The following DOCK8 variants were observed in gnomAD, a reference collection of about 807,000 sequenced individuals.
The protein encoded by DOCK8 is dedicator of cytokinesis protein 8.
In DOCK8, 141 loss-of-function variants were observed where a neutral mutation model predicts 245.6. That is an observed-to-expected ratio of 0.57 (90% CI 0.50 to 0.66). The LOEUF (loss-of-function observed/expected upper bound fraction) is 0.66. Ranked by LOEUF, DOCK8 falls within the 30% of genes least tolerant of loss-of-function variation. DOCK8 has a pLI of 0.00. For missense variants in DOCK8, 2,965 were observed against 2,603.4 expected, an observed-to-expected ratio of 1.14 and a Z score of -3.02; for synonymous variants, 1,168 against 970.2, an observed-to-expected ratio of 1.20 and a Z score of -3.79.
At chr9:292,901 G>A (rs1379728508) in intron 4 of DOCK8, among the ~76,000 whole-genome samples, 1 of 152,060 alleles carries the variant, frequency 6.6e-6, no homozygotes, top group Non-Finnish European at 1.5e-5. Flanking sequence ...CTTGACTGTT[G>A]CTTCTGTTCC....
chr9:393,990 C>A (rs2131376289), intron 24 of DOCK8, among the ~76,000 whole-genome samples: 1 of 152,144 alleles, frequency 6.6e-6, no homozygotes, highest in Non-Finnish European at 1.5e-5. Flanking sequence ...GTAACTGGGG[C>A]CTAGAAAAAT....
At position 370,254 on chromosome 9, in the gene DOCK8, C is replaced by A; in HGVS notation, c.1822C>A (p.Pro608Thr). The A allele has an allele frequency of 6.2e-7, 1 of 1,614,100 alleles. No individual in the cohort carries two copies. Among genetic ancestry groups the A allele is most frequent in the South Asian group, 1.1e-5 (1 of 91,080 alleles). The change falls in exon 16 of 48, where the codon CCT becomes ACT. Residue 608 changes from proline to threonine, a missense_variant. Around this residue, in one of 3 missense-constraint regions of DOCK8, gnomAD observed 2,825 missense variants for 2,453.5 expected, o/e 1.15. Transcript: ENST00000432829. ...MPVIFGKSSGPEFLQEVYTAV... is the reference protein window; with the variant it reads ...MPVIFGKSSGTEFLQEVYTAV... ...GGTCATCTTTGGAAAATCCAGCGGG[C>A]CTGAATTTCTGCAGGAAGTGTACAC...
At chr9:272,325 C>T (rs785847) in intron 2 of DOCK8, among the ~76,000 whole-genome samples, 69,149 of 151,880 alleles carry the variant, frequency 0.46, 16,331 homozygotes, top group East Asian at 0.78. Context: ...CAATCTCTGA[C>T]TCACTTCTGT....
chr9:410,488 T>A, intron 28 of DOCK8, among the ~76,000 whole-genome samples: 1 of 152,218 alleles, frequency 6.6e-6, no homozygotes, highest in Admixed American at 6.5e-5. Flanking sequence ...GGGTATTGGG[T>A]ATTATGAAAA....
At chr9:254,994 G>C (rs1002952967) in intron 1 of DOCK8, among the ~76,000 whole-genome samples, 1 of 152,116 alleles carries the variant, frequency 6.6e-6, no homozygotes, top group African/African-American at 2.4e-5. Flanking sequence ...TAAAGTTTGA[G>C]GGTCACCACT....
At position 434,854 on chromosome 9, in the gene DOCK8, C is replaced by A. The variant is rs1401659010; in HGVS notation, c.4958C>A (p.Thr1653Asn). The change falls in exon 39 of 48, where the codon ACC (threonine) becomes AAC (asparagine). Residue 1653 changes from threonine (T) to asparagine (N), a missense_variant. Physicochemically the swap from Thr to Asn is moderately conservative, Grantham distance 65 (BLOSUM62 0). Around this residue, in one of 3 missense-constraint regions of DOCK8, gnomAD observed 2,825 missense variants for 2,453.5 expected, o/e 1.15. Transcript: ENST00000432829. ...TWLQNMAEKH[T>N]KKKCYTEAAM... The stretch of plus-strand genomic sequence containing the variant: ...CTCCAGAACATGGCAGAGAAACACA[C>A]CAAGAAGAAGTGCTACACGGAGGCT... The A allele has an allele frequency of 8.7e-6, 14 of 1,614,038 alleles. No homozygotes were observed. Among genetic ancestry groups the A allele is most frequent in the Admixed American group, 3.3e-5 (2 of 60,002 alleles).
intron 14 of DOCK8, among the ~76,000 whole-genome samples, chr9:341,602 A>G (rs2130933664): frequency 6.6e-6 from 1 of 152,156 alleles, no homozygotes; most frequent in Non-Finnish European, 1.5e-5. Flanking sequence ...TGTATTTCCT[A>G]TTTTTTCTCC....
At position 364,158 on chromosome 9, in the gene DOCK8, T is replaced by A. The variant is rs139577360; in HGVS notation, c.1680-3860T>A. Reference sequence around the variant, plus strand: ...CAGGTTTCTAACTGAAACAAGGAAATGACCTGAACGCTTATTTTTAGAGGA... The same window carrying A: ...CAGGTTTCTAACTGAAACAAGGAAAAGACCTGAACGCTTATTTTTAGAGGA... On this transcript the variant is annotated intron_variant, in intron 14 of 47. Transcript: ENST00000432829. Among the ~76,000 whole-genome samples, 5 of 152,252 alleles carry A rather than the reference T, an allele frequency of 3.3e-5. No homozygotes were observed. In the East Asian group the frequency reaches 9.6e-4, roughly 29 times the overall value.
chr9:274,052 A>T (rs1271052894), intron 2 of DOCK8, among the ~76,000 whole-genome samples: 1 of 152,154 alleles, frequency 6.6e-6, no homozygotes, highest in Non-Finnish European at 1.5e-5. Context: ...CTTTCAGGAG[A>T]AATTATTTTA....
At chr9:391,279 C>T (rs2054181995) in intron 24 of DOCK8, among the ~76,000 whole-genome samples, 1 of 152,206 alleles carries the variant, frequency 6.6e-6, no homozygotes, top group African/African-American at 2.4e-5. Context: ...CTATTATCCT[C>T]CTTCTGAGCA....
intron 6 of DOCK8, among the ~76,000 whole-genome samples, chr9:315,587 A>C (rs1202301576): frequency 6.6e-6 from 1 of 152,190 alleles, no homozygotes; most frequent in African/African-American, 2.4e-5. Context: ...TCTTTTAAAG[A>C]TATGTACTGA....
Position 256,588 on chromosome 9 carries a change from G to C in DOCK8, c.54-15039G>C, listed in dbSNP as rs1214191864. 2.0e-5 allele frequency among the ~76,000 whole-genome samples: 3 copies of C among 152,174 alleles called. No individual in the cohort carries two copies. The East Asian group carries it at 5.8e-4, about 29-fold the overall frequency. ...CTCTGTGAATAACTAAATTTGGTTAGCTGGGGTGGGGTCTGGGTACTTTTC... is the reference window on the plus strand; with the variant it reads ...CTCTGTGAATAACTAAATTTGGTTACCTGGGGTGGGGTCTGGGTACTTTTC... On this transcript the variant is annotated intron_variant, in intron 1 of 47. Coordinates refer to ENST00000432829, the MANE Select transcript of DOCK8 (RefSeq NM_203447.4).
chr9:396,959 T>A (rs1047250875), intron 25 of DOCK8, 25 bp downstream of exon 25: 1 of 1,608,628 alleles, frequency 6.2e-7, no homozygotes, highest in African/African-American at 1.3e-5. Flanking sequence ...CTCTTTATTT[T>A]CTAAATTGTT....
chr9:319,564 T>G (rs761643540), intron 7 of DOCK8, among the ~76,000 whole-genome samples: 5 of 152,202 alleles, frequency 3.3e-5, no homozygotes, highest in Non-Finnish European at 5.9e-5. Flanking sequence ...TGTGACAGTA[T>G]GAATAGTAAA....
intron 1 of DOCK8, among the ~76,000 whole-genome samples, chr9:255,914 C>G (rs627842): frequency 2.0e-5 from 3 of 152,010 alleles, no homozygotes; most frequent in African/African-American, 7.3e-5. Flanking sequence ...ATTTAAAATA[C>G]CTGCTTGATC....
chr9:400,851 TCAC>T (rs1413590356), intron 26 of DOCK8, among the ~76,000 whole-genome samples: 22 of 10,094 alleles, frequency 2.2e-3, no homozygotes, highest in Non-Finnish European at 3.7e-3. Context: ...ACCTCCACCA[TCAC>T]CACCTCCTCC....
At chr9:455,124 A>G (rs2057594699) in intron 46 of DOCK8, among the ~76,000 whole-genome samples, 1 of 152,134 alleles carries the variant, frequency 6.6e-6, no homozygotes, top group Non-Finnish European at 1.5e-5. Context: ...GGGCTGCTGC[A>G]TTGTTCTAGG....
chr9:399,485 A>G (rs150369162), intron 26 of DOCK8, among the ~76,000 whole-genome samples: 3 of 151,118 alleles, frequency 2.0e-5, no homozygotes, highest in African/African-American at 7.4e-5. Flanking sequence ...AGAAGGGTCA[A>G]CAGATTCATC....
At chr9:447,661 C>T (rs968554278) in intron 44 of DOCK8, among the ~76,000 whole-genome samples, 6 of 152,200 alleles carry the variant, frequency 3.9e-5, no homozygotes, top group African/African-American at 1.2e-4. Flanking sequence ...TCATCAGTTT[C>T]TCCATTATCT....
Sources: gnomAD v4.1 joint callset for allele counts (sites outside exome capture counted in the v4.1 genomes callset) on GRCh38, gnomAD v4.1.1 for gene constraint, gnomAD v4.1.1 regional missense constraint, MANE v1.5 for transcripts, NCBI Gene and HGNC (gene_info 2026-07-23, HGNC 2026-07-21) for gene names.